ROR1: variants seen among roughly 807,000 people sequenced by gnomAD.
The protein encoded by ROR1 is inactive tyrosine-protein kinase transmembrane receptor ROR1.
In ROR1, 19 loss-of-function variants were observed where a neutral mutation model predicts 78.8. The observed-to-expected ratio is 0.24, with a 90% CI of 0.17 to 0.35. The LOEUF is 0.35. ROR1 is among the 10% of genes least tolerant of loss of function. The pLI, the probability that ROR1 is intolerant of heterozygous loss-of-function variation, is 1.00. For missense variants in ROR1, 917 were observed against 1,177.8 expected, an observed-to-expected ratio of 0.78 and a Z score of 3.24; for synonymous variants, 386 against 433.6, an observed-to-expected ratio of 0.89 and a Z score of 1.36.
At chr1:64,001,540 A>T (rs1426796959) in intron 1 of ROR1, among the ~76,000 whole-genome samples, 1 of 152,158 alleles carries the variant, frequency 6.6e-6, no homozygotes, top group Non-Finnish European at 1.5e-5. Context: ...GCTGTTAACT[A>T]TTGGGAGAAA....
chr1:63,920,531 G>A (rs1452164535), intron 1 of ROR1, among the ~76,000 whole-genome samples: 1 of 152,100 alleles, frequency 6.6e-6, no homozygotes, highest in Non-Finnish European at 1.5e-5. Context: ...TGTCCATCAC[G>A]CCATTCTCCA....
chr1:64,014,717 A>ATG (rs1646503222), intron 2 of ROR1, among the ~76,000 whole-genome samples: 2 of 37,020 alleles, frequency 5.4e-5, no homozygotes, highest in Admixed American at 3.8e-4. Flanking sequence ...GACAGACTAT[A>ATG]TATATATATA....
Position 63,796,857 on chromosome 1 carries a change from C to T in ROR1, c.91+22349C>T, listed in dbSNP as rs528170023. ...AGCTGGCAGGTGGTCCAGAGAGCAG[C>T]GGGCCCCAGCCCAGCTCCTCAGTAT... is the stretch of plus-strand genomic sequence containing the variant. On this transcript the variant is annotated intron_variant, in intron 1 of 8. Transcript: ENST00000371079. 1.6e-4 allele frequency among the ~76,000 whole-genome samples: 24 copies of T among 152,244 alleles called. No individual in the cohort carries two copies. In the South Asian group the frequency reaches 3.5e-3, roughly 22 times the overall value.
intron 2 of ROR1, among the ~76,000 whole-genome samples, chr1:64,030,932 C>G (rs540660095): frequency 6.6e-6 from 1 of 151,964 alleles, no homozygotes; most frequent in East Asian, 1.9e-4. Context: ...CACTCTTCGC[C>G]CAGACATGAT....
intron 8 of ROR1, among the ~76,000 whole-genome samples, chr1:64,176,519 G>C (rs1288190181): frequency 6.6e-6 from 1 of 150,782 alleles, no homozygotes; most frequent in Admixed American, 6.6e-5. Flanking sequence ...GTTGTATCTG[G>C]GGTCACACAG....
chr1:64,080,185 G>A (rs2100630296), intron 4 of ROR1, among the ~76,000 whole-genome samples: 1 of 152,244 alleles, frequency 6.6e-6, no homozygotes, highest in East Asian at 1.9e-4. Flanking sequence ...GAACCTATGA[G>A]ACTATTTCAG....
intron 2 of ROR1, among the ~76,000 whole-genome samples, chr1:64,031,257 G>A (rs1003999840): frequency 2.4e-4 from 36 of 152,196 alleles, no homozygotes; most frequent in Non-Finnish European, 4.7e-4. Context: ...ACCAGTAGAG[G>A]CTGTATTTTT....
chr1:64,046,373 AAATTCCCTGTTTGTGGC>A, intron 2 of ROR1, among the ~76,000 whole-genome samples: 1 of 152,336 alleles, frequency 6.6e-6, no homozygotes, highest in South Asian at 2.1e-4. Context: ...AGTTAAAACC[AAATTCCCTGTTTGTGGC>A]AAGGCTCCTT....
intron 1 of ROR1, among the ~76,000 whole-genome samples, chr1:63,797,434 T>C (rs763648965): frequency 6.6e-6 from 1 of 152,196 alleles, no homozygotes; most frequent in Non-Finnish European, 1.5e-5. Flanking sequence ...GTCATGAATT[T>C]TCCCGAGTTC....
chr1:64,173,418 A>T (rs1650293830), intron 8 of ROR1, among the ~76,000 whole-genome samples: 1 of 152,312 alleles, frequency 6.6e-6, no homozygotes, highest in East Asian at 1.9e-4. Context: ...ATAATTCCAT[A>T]GAGTGACCAC....
intron 1 of ROR1, among the ~76,000 whole-genome samples, chr1:64,007,068 T>G (rs1285252344): frequency 6.6e-6 from 1 of 151,758 alleles, no homozygotes; most frequent in Non-Finnish European, 1.5e-5. Context: ...TGAGTACTGG[T>G]CAGCATGGGC....
Position 64,014,727 on chromosome 1 carries a change from ACACATACGCACAC to A in ROR1, c.163+5352_163+5364del, listed in dbSNP as rs68180803. ...GTGCTGACAGACTATATATATATAT[ACACATACGCACAC>A]TATATATATATATATATATATATAT... On this transcript the variant is annotated intron_variant, in intron 2 of 8. Transcript: ENST00000371079. Among the ~76,000 whole-genome samples the A allele has an allele frequency of 4.9e-3, 140 of 28,394 alleles. 4 individuals carry two copies. The highest frequency in any genetic ancestry group is 0.018 in the Middle Eastern group (1 of 56). 18.6% of individuals were successfully genotyped at this position (28,394 alleles called of 152,430 possible).
chr1:63,880,169 G>A (rs1486316912), intron 1 of ROR1, among the ~76,000 whole-genome samples: 1 of 152,170 alleles, frequency 6.6e-6, no homozygotes, highest in African/African-American at 2.4e-5. Context: ...AGAATTAAAT[G>A]TGATGATGCA....
At chr1:64,142,731 A>C in intron 7 of ROR1, 81 bp downstream of exon 7, 2 of 1,565,990 alleles carry the variant, frequency 1.3e-6, no homozygotes, top group Non-Finnish European at 1.7e-6. Context: ...GGAGAATCCT[A>C]TAAGGGGGGC....
chr1:64,168,316 T>A (rs1650143091), intron 8 of ROR1, among the ~76,000 whole-genome samples: 1 of 152,194 alleles, frequency 6.6e-6, no homozygotes, highest in African/African-American at 2.4e-5. Flanking sequence ...AGTGTGAGGA[T>A]GAAAGGAGCT....
At chr1:64,067,561 A>G (rs544286529) in intron 4 of ROR1, among the ~76,000 whole-genome samples, 1 of 151,446 alleles carries the variant, frequency 6.6e-6, no homozygotes, top group African/African-American at 2.4e-5. Flanking sequence ...TCAATTTTCT[A>G]GTAACTGAAT....
At chr1:64,081,582 G>A (rs1647101903) in intron 4 of ROR1, among the ~76,000 whole-genome samples, 1 of 151,848 alleles carries the variant, frequency 6.6e-6, no homozygotes, top group South Asian at 2.1e-4. Context: ...TTCGAGACCA[G>A]CCTGAGCAAC....
intron 8 of ROR1, among the ~76,000 whole-genome samples, chr1:64,174,163 G>A (rs771560351): frequency 2.6e-5 from 4 of 152,048 alleles, no homozygotes; most frequent in Admixed American, 6.6e-5. Context: ...TGGGAATTAC[G>A]TTCATACATC....
chr1:64,173,865 A>C (rs928594627), intron 8 of ROR1, among the ~76,000 whole-genome samples: 2 of 152,034 alleles, frequency 1.3e-5, no homozygotes, highest in African/African-American at 2.4e-5. Context: ...ACTCTTCCAC[A>C]CGAGTTCTTG....
Sources: gnomAD v4.1 joint callset for allele counts (sites outside exome capture counted in the v4.1 genomes callset) on GRCh38, gnomAD v4.1.1 for gene constraint, MANE v1.5 for transcripts, NCBI Gene and HGNC (gene_info 2026-07-23, HGNC 2026-07-21) for gene names.